EYS: variants seen among roughly 807,000 people sequenced by gnomAD.
The protein encoded by EYS is protein eyes shut homolog.
In EYS, 250 loss-of-function variants were observed where a neutral mutation model predicts 282.1. The ratio of observed to expected loss-of-function variants is 0.89; its 90% CI spans 0.80 to 0.98. The LOEUF (loss-of-function observed/expected upper bound fraction) is 0.98, where lower values mean the gene tolerates loss of function less well. EYS is among the 50% of genes least tolerant of loss of function. The probability of loss-of-function intolerance (pLI) is 0.00; values close to 1 mark genes in which losing one functional copy is unlikely to be tolerated. For missense variants in EYS, 4,016 were observed against 3,709.0 expected (o/e 1.08, Z -2.15); for synonymous variants, 1,355 against 1,282.9 (o/e 1.06, Z -1.20).
At chr6:65,288,171 T>A (rs1294071176) in intron 12 of EYS, among the ~76,000 whole-genome samples, 1 of 151,116 alleles carries the variant, frequency 6.6e-6, no homozygotes, top group Non-Finnish European at 1.5e-5. Context: ...TTTTTCAGAA[T>A]GTAAGGAGTA....
rs201690244 is a variant in EYS at position 63,721,242 on chromosome 6, T to C, written c.8789A>G (p.Asp2930Gly). The C allele has an allele frequency of 3.2e-4, 500 of 1,551,816 alleles. No homozygotes were observed. Among genetic ancestry groups the C allele is most frequent in the Admixed American group, 6.1e-4 (31 of 50,986 alleles). Reference protein sequence around the residue: ...LCLHQSLCIPDQSFSYSCLCT... With the variant: ...LCLHQSLCIPGQSFSYSCLCT... ...CAGGCAACTGTAAGAAAATGATTGGTCAGGTATACATAAAGATTGGTGGAG... is the reference window on the plus strand; with the variant it reads ...CAGGCAACTGTAAGAAAATGATTGGCCAGGTATACATAAAGATTGGTGGAG... The change falls in exon 43 of 43, where the codon GAC becomes GGC. Residue 2930 changes from aspartate to glycine, a missense_variant. By Grantham distance (94) the Asp-to-Gly change is moderately conservative. Transcript: ENST00000503581.
chr6:63,873,592 A>G lies in EYS; in HGVS notation c.7056-9234T>C, dbSNP rs569633820. 3.0e-3 allele frequency among the ~76,000 whole-genome samples: 459 copies of G among 152,290 alleles called. 1 individual carries two copies. Among genetic ancestry groups the G allele is most frequent in the Non-Finnish European group, 3.7e-3 (250 of 68,030 alleles). On this transcript the variant is annotated intron_variant, in intron 35 of 42. Transcript: ENST00000503581. Reference sequence around the variant, plus strand: ...GGAATCCCCCACACTGTCTTCCACAATGGTTGAACTAGTTTACAGTCCCAC... The same window carrying G: ...GGAATCCCCCACACTGTCTTCCACAGTGGTTGAACTAGTTTACAGTCCCAC...
intron 2 of EYS, among the ~76,000 whole-genome samples, chr6:65,536,233 A>G (rs916348680): frequency 6.6e-6 from 1 of 152,102 alleles, no homozygotes; most frequent in Admixed American, 6.6e-5. Context: ...ATAAAAAAAT[A>G]GCACCGAGAC....
At chr6:64,091,620 A>T (rs1772364518) in intron 31 of EYS, among the ~76,000 whole-genome samples, 1 of 152,176 alleles carries the variant, frequency 6.6e-6, no homozygotes, top group Non-Finnish European at 1.5e-5. Flanking sequence ...ACTTGTTCCC[A>T]TCATGGCTGG....
At chr6:64,252,157 C>T (rs1156510891) in intron 30 of EYS, among the ~76,000 whole-genome samples, 2 of 152,060 alleles carry the variant, frequency 1.3e-5, no homozygotes, top group East Asian at 3.9e-4. Context: ...TTTAGTGCTT[C>T]AGATGGGATT....
intron 8 of EYS, among the ~76,000 whole-genome samples, chr6:65,360,165 A>G (rs899964161): frequency 7.9e-5 from 12 of 151,912 alleles, no homozygotes; most frequent in African/African-American, 2.9e-4. Flanking sequence ...GACATCACTT[A>G]TTCACTTATC....
intron 2 of EYS, among the ~76,000 whole-genome samples, chr6:65,555,546 C>G (rs929104942): frequency 1.3e-5 from 2 of 152,038 alleles, no homozygotes. Context: ...CTACATTTGA[C>G]ACTTTTATTA....
chr6:65,386,995 AG>A (rs1765825930), intron 7 of EYS, among the ~76,000 whole-genome samples: 1 of 144,082 alleles, frequency 6.9e-6, no homozygotes, highest in African/African-American at 2.5e-5. Context: ...ATGAAAGGGA[AG>A]GAAAAAAAAT....
intron 15 of EYS, 70 bp downstream of exon 15, chr6:64,945,723 C>T: frequency 7.3e-7 from 1 of 1,365,538 alleles, no homozygotes; most frequent in Admixed American, 2.1e-5. Context: ...AAAATAATGT[C>T]TGGATGTATC....
At chr6:65,142,576 T>C (rs1581950075) in intron 12 of EYS, among the ~76,000 whole-genome samples, 1 of 150,660 alleles carries the variant, frequency 6.6e-6, no homozygotes, top group East Asian at 1.9e-4. Context: ...ATGTAACTAC[T>C]GGGAAAAGCT....
At chr6:64,522,166 T>G (rs1007195596) in intron 26 of EYS, among the ~76,000 whole-genome samples, 2 of 151,804 alleles carry the variant, frequency 1.3e-5, no homozygotes, top group African/African-American at 4.8e-5. Context: ...AAGTATGCGG[T>G]GCTTTTCTTG....
intron 22 of EYS, among the ~76,000 whole-genome samples, chr6:64,781,402 C>A (rs1212780182): frequency 1.3e-5 from 2 of 151,812 alleles, no homozygotes; most frequent in African/African-American, 2.4e-5. Flanking sequence ...TCAATCAAAC[C>A]TCCTATAAGA....
At chr6:64,184,974 G>T (rs902259641) in intron 31 of EYS, among the ~76,000 whole-genome samples, 2 of 151,856 alleles carry the variant, frequency 1.3e-5, no homozygotes, top group Non-Finnish European at 2.9e-5. Flanking sequence ...TATCTGGGAG[G>T]TGATTAGATT....
At chr6:65,216,655 G>A (rs1338980814) in intron 12 of EYS, among the ~76,000 whole-genome samples, 1 of 151,506 alleles carries the variant, frequency 6.6e-6, no homozygotes, top group Non-Finnish European at 1.5e-5. Flanking sequence ...CCTTTATGAA[G>A]TTTAGTATAA....
At chr6:65,105,823 A>G (rs1775019126) in intron 12 of EYS, among the ~76,000 whole-genome samples, 1 of 151,960 alleles carries the variant, frequency 6.6e-6, no homozygotes, top group African/African-American at 2.4e-5. Flanking sequence ...GTTAATTTAC[A>G]TGCTATTGCT....
intron 33 of EYS, among the ~76,000 whole-genome samples, chr6:64,024,996 C>A (rs1033053812): frequency 6.6e-6 from 1 of 152,198 alleles, no homozygotes; most frequent in South Asian, 2.1e-4. Context: ...ATGACAATCA[C>A]CATGTGGTGA....
Position 64,591,603 on chromosome 6 carries a change from T to A in EYS, c.4264A>T (p.Thr1422Ser), listed in dbSNP as rs200318120. ...ENCQTVALSA[T>S]PTTSVIRSIP... ...CTTCTAATTACTGAAGTCGTTGGGG[T>A]AGCAGATAAAGCAACAGTCTGACAG... The change falls in exon 26 of 43, where the codon ACC becomes TCC. Residue 1422 changes from threonine to serine, a missense_variant. By Grantham distance (58) the Thr-to-Ser change is moderately conservative. Transcript: ENST00000503581. The A allele has an allele frequency of 5.1e-4, 798 of 1,551,118 alleles. 7 individuals are homozygous for A. The African/African-American group carries it at 9.3e-3, about 18-fold the overall frequency.
At chr6:64,327,892 C>G (rs1012836520) in intron 29 of EYS, among the ~76,000 whole-genome samples, 1 of 152,114 alleles carries the variant, frequency 6.6e-6, no homozygotes, top group African/African-American at 2.4e-5. Context: ...TCAGGCAACA[C>G]CATGCAGAGA....
chr6:64,019,378 C>T (rs1293457610), intron 33 of EYS, among the ~76,000 whole-genome samples: 1 of 151,950 alleles, frequency 6.6e-6, no homozygotes, highest in South Asian at 2.1e-4. Flanking sequence ...ATAGTAGCTA[C>T]AAGAAACAAA....
Sources: gnomAD v4.1 joint callset for allele counts (sites outside exome capture counted in the v4.1 genomes callset) on GRCh38, gnomAD v4.1.1 for gene constraint, MANE v1.5 for transcripts, NCBI Gene and HGNC (gene_info 2026-07-23, HGNC 2026-07-21) for gene names.